The following DPP10 variants were observed in gnomAD, a reference collection of about 807,000 sequenced individuals.
DPP10 encodes dipeptidyl peptidase like 10.
A neutral mutation model predicts 120.9 loss-of-function variants in DPP10; 33 were observed. That is an observed-to-expected ratio of 0.27 (90% confidence interval 0.21 to 0.37). The LOEUF is 0.37. DPP10 is among the 10% of genes least tolerant of loss of function. The probability of loss-of-function intolerance (pLI) is 1.00; values close to 1 mark genes in which losing one functional copy is unlikely to be tolerated. For synonymous variants in DPP10, 337 were observed against 326.1 expected (o/e 1.03, Z -0.36); for missense variants, 816 against 942.8 (o/e 0.87, Z 1.76).
chr2:115,452,714 T>A (rs1479773892), intron 3 of DPP10, among the ~76,000 whole-genome samples: 1 of 151,910 alleles, frequency 6.6e-6, no homozygotes, highest in African/African-American at 2.4e-5. Flanking sequence ...CCTGTAAGTA[T>A]CATTTGTTCT....
At chr2:114,534,694 T>C (rs2104761695) in intron 1 of DPP10, among the ~76,000 whole-genome samples, 1 of 142,618 alleles carries the variant, frequency 7.0e-6, no homozygotes, top group African/African-American at 2.6e-5. Flanking sequence ...AAACCTTCTG[T>C]TTTGCTTTTT....
At chr2:115,491,887 AAT>A (rs2076145450) in intron 3 of DPP10, among the ~76,000 whole-genome samples, 1 of 152,148 alleles carries the variant, frequency 6.6e-6, no homozygotes, top group Non-Finnish European at 1.5e-5. Flanking sequence ...GGGGTAGAGG[AAT>A]TTGATCAAGT....
chr2:115,770,961 C>T (rs1681388153), intron 13 of DPP10, among the ~76,000 whole-genome samples: 1 of 152,078 alleles, frequency 6.6e-6, no homozygotes, highest in Non-Finnish European at 1.5e-5. Flanking sequence ...TTTCTTACAA[C>T]ATTTAATTGT....
At chr2:114,903,550 T>G (rs1420442057) in intron 1 of DPP10, among the ~76,000 whole-genome samples, 5 of 152,172 alleles carry the variant, frequency 3.3e-5, no homozygotes, top group Non-Finnish European at 7.4e-5. Context: ...GGAGAAGAGA[T>G]TCTTTGTCCT....
At chr2:115,313,688 G>T (rs1325866490) in intron 2 of DPP10, among the ~76,000 whole-genome samples, 2 of 152,216 alleles carry the variant, frequency 1.3e-5, no homozygotes, top group Non-Finnish European at 2.9e-5. Context: ...TTTTATTACA[G>T]AAGTAGTTTG....
chr2:114,482,042 C>T (rs1681104714), intron 1 of DPP10, among the ~76,000 whole-genome samples: 1 of 151,908 alleles, frequency 6.6e-6, no homozygotes, highest in Non-Finnish European at 1.5e-5. Context: ...TTTTAAACCA[C>T]CAGATCTCAT....
At chr2:114,517,514 T>G (rs1384647515) in intron 1 of DPP10, among the ~76,000 whole-genome samples, 1 of 121,676 alleles carries the variant, frequency 8.2e-6, no homozygotes, top group Non-Finnish European at 1.7e-5. Context: ...ACAGTGAGAC[T>G]CCGTCTCAAA....
intron 3 of DPP10, among the ~76,000 whole-genome samples, chr2:115,434,025 T>C (rs1188587451): frequency 6.6e-6 from 1 of 151,958 alleles, no homozygotes; most frequent in Admixed American, 6.6e-5. Flanking sequence ...ACTTTGGTAA[T>C]AGTTTTCTGC....
chr2:115,176,108 G>A (rs1421865537), intron 1 of DPP10, among the ~76,000 whole-genome samples: 1 of 151,944 alleles, frequency 6.6e-6, no homozygotes, highest in African/African-American at 2.4e-5. Context: ...TTGTCCTAGA[G>A]GATGAGTCAG....
At chr2:114,606,572 C>G (rs10496468) in intron 1 of DPP10, among the ~76,000 whole-genome samples, 3,454 of 152,174 alleles carry the variant, frequency 0.023, 132 homozygotes, top group African/African-American at 0.077. Flanking sequence ...TCGGACCAGT[C>G]TAGAGTACAA....
chr2:114,867,815 A>C (rs2106552912), intron 1 of DPP10, among the ~76,000 whole-genome samples: 1 of 152,292 alleles, frequency 6.6e-6, no homozygotes, highest in East Asian at 1.9e-4. Context: ...AAGGAAAATG[A>C]GGTCATGGTG....
intron 1 of DPP10, among the ~76,000 whole-genome samples, chr2:114,965,717 G>A (rs12470407): frequency 0.99 from 149,868 of 151,974 alleles, 73,922 homozygotes; most frequent in Non-Finnish European, 1. Flanking sequence ...GGTGGCTCAC[G>A]CCTGTAATCC....
intron 1 of DPP10, among the ~76,000 whole-genome samples, chr2:115,086,846 A>ATGT (rs10656676): frequency 0.79 from 119,769 of 151,916 alleles, 47,903 homozygotes; most frequent in Non-Finnish European, 0.87. Context: ...CCTTGGGCAC[A>ATGT]TGTCAGGACC....
chr2:115,034,908 A>G (rs778470284), intron 1 of DPP10, among the ~76,000 whole-genome samples: 3 of 152,088 alleles, frequency 2.0e-5, no homozygotes, highest in Non-Finnish European at 2.9e-5. Context: ...AACCATTCCC[A>G]TTACATTTTC....
At chr2:114,785,550 G>C (rs1028190107) in intron 1 of DPP10, among the ~76,000 whole-genome samples, 1 of 152,180 alleles carries the variant, frequency 6.6e-6, no homozygotes, top group Non-Finnish European at 1.5e-5. Flanking sequence ...CACAAACAGT[G>C]AACAGCTCGT....
chr2:115,101,132 A>C (rs2048674513), intron 1 of DPP10, among the ~76,000 whole-genome samples: 1 of 152,126 alleles, frequency 6.6e-6, no homozygotes, highest in Non-Finnish European at 1.5e-5. Flanking sequence ...TTTTGATGTA[A>C]TAGTGATGGA....
intron 1 of DPP10, among the ~76,000 whole-genome samples, chr2:114,749,641 C>T (rs1679011808): frequency 6.8e-6 from 1 of 147,684 alleles, no homozygotes; most frequent in Non-Finnish European, 1.5e-5. Flanking sequence ...GGCTAGAGTG[C>T]AGCGGCACGA....
chr2:115,567,198 A>T (rs2081057285), intron 5 of DPP10, among the ~76,000 whole-genome samples: 1 of 151,574 alleles, frequency 6.6e-6, no homozygotes, highest in Admixed American at 6.6e-5. Flanking sequence ...GATTCCAGGG[A>T]TTTGTTTTTA....
intron 1 of DPP10, among the ~76,000 whole-genome samples, chr2:114,948,833 A>T (rs1697559424): frequency 6.6e-6 from 1 of 152,170 alleles, no homozygotes; most frequent in Non-Finnish European, 1.5e-5. Context: ...GGCTTCAGGA[A>T]ACTTACATTC....
Sources: allele counts gnomAD v4.1 joint callset (sites outside exome capture counted in the v4.1 genomes callset), GRCh38; gene constraint gnomAD v4.1.1; transcripts MANE v1.5; gene names NCBI Gene and HGNC (gene_info 2026-07-23, HGNC 2026-07-21).